Variants in LRRC66 observed in about 807,000 individuals in gnomAD.
LRRC66 encodes the protein leucine-rich repeat-containing protein 66.
A neutral mutation model predicts 24.6 loss-of-function variants in LRRC66; 29 were observed. The observed-to-expected ratio is 1.18, with a 90% CI of 0.88 to 1.61. LRRC66 has a LOEUF of 1.61. LRRC66 is among the 40% of genes most tolerant of loss of function. The pLI, the probability that LRRC66 is intolerant of heterozygous loss-of-function variation, is 0.00. For missense variants in LRRC66, 1,124 were observed against 1,058.0 expected (o/e 1.06, Z -0.87); for synonymous variants, 411 against 397.6 (o/e 1.03, Z -0.40).
chr4:51,999,272 C>A (rs1736395358), intron 3 of LRRC66, among the ~76,000 whole-genome samples: 1 of 152,224 alleles, frequency 6.6e-6, no homozygotes, highest in Non-Finnish European at 1.5e-5. Flanking sequence ...GCTTTATAGA[C>A]ACCCGTGAAA....
chr4:51,994,985 G>A lies in LRRC66; in HGVS notation c.2037C>T (p.Val679=). Residue 679 remains valine, a synonymous_variant, in exon 5 of 5, where the codon GTC becomes GTT. Transcript: ENST00000682860. ...GCACTGGTTCCTTGTTAGCAGGAGTGACATCCAGGCCACTGTCCCATCTTG... is the reference window on the plus strand; with the variant it reads ...GCACTGGTTCCTTGTTAGCAGGAGTAACATCCAGGCCACTGTCCCATCTTG... ...FPPRWDSGLD[V]TPANKEPVQK... The A allele has an allele frequency of 6.2e-7, 1 of 1,614,128 alleles. No homozygotes were observed. The highest frequency in any genetic ancestry group is 8.5e-7 in the Non-Finnish European group (1 of 1,180,046).
intron 3 of LRRC66, among the ~76,000 whole-genome samples, chr4:51,999,929 C>A (rs987660622): frequency 2.6e-5 from 4 of 152,122 alleles, no homozygotes; most frequent in African/African-American, 9.7e-5. Context: ...CTTATTTCAT[C>A]CCATCAAAGC....
intron 2 of LRRC66, among the ~76,000 whole-genome samples, chr4:52,004,020 T>C (rs1241349281): frequency 6.6e-6 from 1 of 152,182 alleles, no homozygotes; most frequent in African/African-American, 2.4e-5. Flanking sequence ...TTTTTTTTTC[T>C]GAGACAGAGT....
At chr4:52,003,024 C>A (rs906585163) in intron 3 of LRRC66, among the ~76,000 whole-genome samples, 199 bp downstream of exon 3, 10 of 152,220 alleles carry the variant, frequency 6.6e-5, no homozygotes, top group African/African-American at 2.4e-4. Context: ...GAGTAAAATT[C>A]ATGTCCCTTA....
Position 52,017,475 on chromosome 4 carries a change from A to G in LRRC66, c.139T>C (p.Ser47Pro). The stretch of plus-strand genomic sequence containing the variant: ...GGTATATCACACTTTCCGGTAAAAG[A>G]ACAATTTGTCAGAATATATTCATTC... ...QWNEYILTNC[S>P]FTGKCDIPVD... The change falls in exon 2 of 5, where the codon TCT becomes CCT. Residue 47 changes from serine (S) to proline (P), a missense_variant. By Grantham distance (74) the Ser-to-Pro change is moderately conservative (BLOSUM62 -1). Transcript: ENST00000682860. 6.2e-7 allele frequency: 1 copy of G among 1,614,122 alleles called. No homozygotes were observed. Among genetic ancestry groups the G allele is most frequent in the East Asian group, 2.2e-5 (1 of 44,870 alleles).
rs1736234783 is a variant in LRRC66, at chr4:51,994,317, C to G, written c.*62G>C. 2 of 1,448,940 alleles carry G rather than the reference C, an allele frequency of 1.4e-6. No homozygotes were observed. Among genetic ancestry groups the G allele is most frequent in the African/African-American group, 2.9e-5 (2 of 70,062 alleles). 89.8% of individuals were successfully genotyped at this position (1,448,940 alleles called of 1,614,324 possible). A position where few individuals can be genotyped will look rare whatever the true frequency, so the allele number is the denominator to read the frequency against. On this transcript the variant is annotated 3_prime_UTR_variant, in exon 5 of 5. Transcript: ENST00000682860. ...CTTGTTGTGAAGGCTTTAGTTTTCC[C>G]CTGCCATGATCTTTAAAAGAATATT...
In LRRC66 at chr4:51,994,044, T is replaced by A. The variant is rs1431281131; in HGVS notation, c.*335A>T. On this transcript the variant is annotated 3_prime_UTR_variant, in exon 5 of 5. Transcript: ENST00000682860. Reference sequence around the variant, plus strand: ...TATTTACCCCAACCTATTGATGAAGTGCTCCTGTGTTCTCAGTGAACTGGT... The same window carrying A: ...TATTTACCCCAACCTATTGATGAAGAGCTCCTGTGTTCTCAGTGAACTGGT... The A allele has an allele frequency of 4.6e-6, 1 of 215,228 alleles. No homozygotes were observed. The highest frequency in any genetic ancestry group is 9.2e-6 in the Non-Finnish European group (1 of 108,906). The allele number at this position is 215,228 out of a possible 1,614,324, so 13.3% of individuals were successfully genotyped here.
At chr4:52,006,629 C>A (rs1358654916) in intron 2 of LRRC66, among the ~76,000 whole-genome samples, 2 of 145,914 alleles carry the variant, frequency 1.4e-5, no homozygotes, top group Non-Finnish European at 3.0e-5. Context: ...TGCAGCGCAC[C>A]AGCATGGCAC....
chr4:51,996,203 A>C, intron 4 of LRRC66, 38 bp from the exon 5 acceptor site: 2 of 1,494,616 alleles, frequency 1.3e-6, no homozygotes, highest in Non-Finnish European at 1.8e-6. Context: ...TTGAGCGAAC[A>C]TTGAAATAAG....
chr4:51,994,504 A>G lies in LRRC66; in HGVS notation c.2518T>C (p.Ser840Pro). 1 of 1,614,200 alleles carries G rather than the reference A, an allele frequency of 6.2e-7. No homozygotes were observed. The highest frequency in any genetic ancestry group is 8.5e-7 in the Non-Finnish European group (1 of 1,180,038). ...LQSKAAEWHC[S>P]LRDLEFSNVD... The stretch of plus-strand genomic sequence containing the variant: ...TTTGAAAATTCTAAGTCTCTAAGTG[A>G]GCAATGCCATTCTGCTGCCTTGGAT... Residue 840 changes from serine to proline, a missense_variant, in exon 5 of 5, where the codon TCA (serine) becomes CCA (proline). By Grantham distance (74) the Ser-to-Pro change is moderately conservative. Coordinates refer to ENST00000682860, the MANE Select transcript of LRRC66 (RefSeq NM_001024611.3).
chr4:52,015,425 G>A (rs907330664), intron 2 of LRRC66, among the ~76,000 whole-genome samples: 3 of 152,154 alleles, frequency 2.0e-5, no homozygotes, highest in African/African-American at 7.2e-5. Context: ...ACCCCTCGAT[G>A]CCTTGTTAGA....
intron 2 of LRRC66, among the ~76,000 whole-genome samples, chr4:52,007,219 A>T (rs529121653): frequency 6.6e-6 from 1 of 152,292 alleles, no homozygotes; most frequent in Non-Finnish European, 1.5e-5. Flanking sequence ...TTGCTCTGTC[A>T]CCAGGCTGAA....
chr4:51,996,600 C>A (rs1253268113), intron 4 of LRRC66, among the ~76,000 whole-genome samples: 1 of 152,140 alleles, frequency 6.6e-6, no homozygotes. Context: ...CCTCCTCAGT[C>A]CTTATCTAGC....
intron 1 of LRRC66, among the ~76,000 whole-genome samples, 128 bp downstream of exon 1, chr4:52,020,176 T>C (rs1242103033): frequency 6.6e-6 from 1 of 152,008 alleles, no homozygotes; most frequent in Non-Finnish European, 1.5e-5. Context: ...AAACAAAGTA[T>C]TATAGAAAGG....
At chr4:51,996,921 T>C (rs1443060504) in intron 4 of LRRC66, among the ~76,000 whole-genome samples, 2 of 152,230 alleles carry the variant, frequency 1.3e-5, no homozygotes, top group African/African-American at 4.8e-5. Context: ...ACTGGTTCCT[T>C]ACATTTTGCT....
At chr4:52,009,577 A>G (rs906806253) in intron 2 of LRRC66, among the ~76,000 whole-genome samples, 1 of 152,188 alleles carries the variant, frequency 6.6e-6, no homozygotes, top group African/African-American at 2.4e-5. Context: ...GAGTCTATAG[A>G]TACTAAAAGG....
chr4:51,995,664 T>C lies in LRRC66; in HGVS notation c.1358A>G (p.Glu453Gly). The change falls in exon 5 of 5, where the codon GAG (glutamate) becomes GGG (glycine). Residue 453 changes from glutamate (E) to glycine (G), a missense_variant. Physicochemically the swap from Glu to Gly is moderately conservative, Grantham distance 98. Coordinates refer to ENST00000682860, the MANE Select transcript of LRRC66 (RefSeq NM_001024611.3). ...RQVFPHLSLY[E>G]NQTPFWVTQP... Reference sequence around the variant, plus strand: ...TGTCACCCAGAAAGGGGTCTGGTTCTCGTAGAGGCTTAGATGAGGAAATAC... The same window carrying C: ...TGTCACCCAGAAAGGGGTCTGGTTCCCGTAGAGGCTTAGATGAGGAAATAC... 1.2e-6 allele frequency: 2 copies of C among 1,614,136 alleles called. No homozygotes were observed. The highest frequency in any genetic ancestry group is 2.2e-5 in the South Asian group (2 of 91,074).
chr4:52,013,056 G>T (rs1473141206), intron 2 of LRRC66, among the ~76,000 whole-genome samples: 2 of 152,204 alleles, frequency 1.3e-5, no homozygotes, highest in Non-Finnish European at 2.9e-5. Context: ...CGATTCATTA[G>T]GTCAGATCTT....
chr4:52,008,542 G>A (rs1371071741), intron 2 of LRRC66, among the ~76,000 whole-genome samples: 2 of 151,606 alleles, frequency 1.3e-5, no homozygotes, highest in African/African-American at 4.8e-5. Flanking sequence ...TGTATGTCAG[G>A]AACACTATAA....
Sources: gnomAD v4.1 joint callset for allele counts (sites outside exome capture counted in the v4.1 genomes callset) on GRCh38, gnomAD v4.1.1 for gene constraint, MANE v1.5 for transcripts, NCBI Gene and HGNC (gene_info 2026-07-23, HGNC 2026-07-21) for gene names.